Variants in MCTP2 observed in about 807,000 individuals in gnomAD.
MCTP2 encodes multiple C2 and transmembrane domain-containing protein 2.
Under a neutral mutation model 111.6 loss-of-function variants are expected in MCTP2, and 132 were observed. The observed-to-expected ratio is 1.18, with a 90% CI of 1.03 to 1.37. MCTP2 has a LOEUF of 1.37. Ranked by LOEUF, MCTP2 falls within the 40% of genes most tolerant of loss-of-function variation. The pLI, the probability that MCTP2 is intolerant of heterozygous loss-of-function variation, is 0.00. For missense variants in MCTP2, 1,183 were observed against 1,067.9 expected (o/e 1.11, Z -1.50); for synonymous variants, 395 against 387.7 (o/e 1.02, Z -0.22).
At chr15:94,331,119 C>T (rs1412589094) in intron 4 of MCTP2, among the ~76,000 whole-genome samples, 1 of 152,192 alleles carries the variant, frequency 6.6e-6, no homozygotes, top group Non-Finnish European at 1.5e-5. Context: ...ACTGAAATTA[C>T]TGAATTCATC....
At chr15:94,232,816 T>C (rs1238476983) in intron 1 of MCTP2, among the ~76,000 whole-genome samples, 3 of 152,206 alleles carry the variant, frequency 2.0e-5, no homozygotes, top group Non-Finnish European at 4.4e-5. Flanking sequence ...ATTAGCCTGA[T>C]CAGTCATTCC....
At chr15:94,289,804 T>A (rs2074950694) in intron 1 of MCTP2, among the ~76,000 whole-genome samples, 1 of 152,174 alleles carries the variant, frequency 6.6e-6, no homozygotes, top group Non-Finnish European at 1.5e-5. Context: ...TATCCCAGGA[T>A]CCTGTGAATA....
At chr15:94,462,273 A>T (rs1445397170) in intron 20 of MCTP2, among the ~76,000 whole-genome samples, 1 of 152,182 alleles carries the variant, frequency 6.6e-6, no homozygotes, top group Non-Finnish European at 1.5e-5. Context: ...CATATTAGTG[A>T]GCTCATGTGG....
intron 2 of MCTP2, among the ~76,000 whole-genome samples, chr15:94,304,441 CA>C (rs749322747): frequency 6.6e-6 from 1 of 151,710 alleles, no homozygotes; most frequent in African/African-American, 2.4e-5. Flanking sequence ...GATTCCATCT[CA>C]AAAAAAATAA....
At chr15:94,303,798 C>G (rs968815629) in intron 2 of MCTP2, among the ~76,000 whole-genome samples, 1 of 152,166 alleles carries the variant, frequency 6.6e-6, no homozygotes, top group African/African-American at 2.4e-5. Flanking sequence ...GGAAACCTTC[C>G]TTCTCTGTGG....
At chr15:94,426,898 C>T (rs1415232091) in intron 17 of MCTP2, among the ~76,000 whole-genome samples, 1 of 151,914 alleles carries the variant, frequency 6.6e-6, no homozygotes, top group Non-Finnish European at 1.5e-5. Context: ...TTACCCCATG[C>T]CTAGCCCTTT....
chr15:94,316,737 T>C (rs964594391), intron 4 of MCTP2, among the ~76,000 whole-genome samples: 2 of 152,190 alleles, frequency 1.3e-5, no homozygotes, highest in Non-Finnish European at 2.9e-5. Context: ...CCTTTAGAAG[T>C]TTTTCATTTC....
At chr15:94,424,896 AT>A (rs141622555) in intron 17 of MCTP2, among the ~76,000 whole-genome samples, 9 of 149,978 alleles carry the variant, frequency 6.0e-5, no homozygotes, top group East Asian at 1.9e-4. Context: ...CTCCCCCTAC[AT>A]TTTTTTTTGT....
At chr15:94,259,526 C>T (rs1179730856) in intron 1 of MCTP2, among the ~76,000 whole-genome samples, 1 of 152,158 alleles carries the variant, frequency 6.6e-6, no homozygotes, top group Non-Finnish European at 1.5e-5. Context: ...TCTTGTGTAA[C>T]TATTTCTGTT....
chr15:94,342,201 G>C (rs1191809280), intron 7 of MCTP2: 1 of 152,042 alleles, frequency 6.6e-6, no homozygotes, highest in Non-Finnish European at 1.5e-5. Context: ...CCTTTGTGAA[G>C]TTTTCTATAG....
intron 6 of MCTP2, 129 bp from the exon 7 acceptor site, chr15:94,340,683 TG>T (rs1346206878): frequency 3.7e-5 from 21 of 572,028 alleles, no homozygotes; most frequent in Non-Finnish European, 5.9e-5. Context: ...CACTAAATTT[TG>T]TGCTTTCTTA....
At chr15:94,320,274 T>G (rs982780623) in intron 4 of MCTP2, among the ~76,000 whole-genome samples, 1 of 151,640 alleles carries the variant, frequency 6.6e-6, no homozygotes, top group Non-Finnish European at 1.5e-5. Context: ...TCCCAAGTAG[T>G]TGGGACTACA....
intron 14 of MCTP2, among the ~76,000 whole-genome samples, chr15:94,389,567 G>T (rs1404759136): frequency 2.0e-5 from 3 of 152,092 alleles, no homozygotes; most frequent in Non-Finnish European, 2.9e-5. Flanking sequence ...TTCATATTGT[G>T]TGCTTCTTTA....
chr15:94,435,965 G>A (rs766359528), intron 17 of MCTP2, among the ~76,000 whole-genome samples: 7 of 152,004 alleles, frequency 4.6e-5, no homozygotes, highest in Non-Finnish European at 5.9e-5. Flanking sequence ...TTTTTTTAAG[G>A]CATTTAATTT....
At chr15:94,329,799 C>T (rs2077051878) in intron 4 of MCTP2, among the ~76,000 whole-genome samples, 1 of 152,148 alleles carries the variant, frequency 6.6e-6, no homozygotes, top group African/African-American at 2.4e-5. Context: ...CACATAGTTA[C>T]TTATTTGTGT....
chr15:94,461,750 A>T (rs893064230), intron 20 of MCTP2, among the ~76,000 whole-genome samples: 1 of 152,138 alleles, frequency 6.6e-6, no homozygotes. Flanking sequence ...TAAGCAGAAG[A>T]TGGGCAAGCA....
At chr15:94,449,420 A>G (rs1235282190) in intron 19 of MCTP2, among the ~76,000 whole-genome samples, 2 of 152,190 alleles carry the variant, frequency 1.3e-5, no homozygotes, top group East Asian at 1.9e-4. Context: ...ACTCAAACCC[A>G]TCTCTTCTGG....
At position 94,282,437 on chromosome 15, in the gene MCTP2, C is replaced by T. The variant is rs534534918; in HGVS notation, c.-65-15764C>T. On this transcript the variant is annotated intron_variant, in intron 1 of 22. Transcript: ENST00000357742. ...AAAATGATTATGACATCTTTCAGCT[C>T]CTGGGCCGTTTTACTGTTTTCCTTG... Among the ~76,000 whole-genome samples the T allele has an allele frequency of 2.7e-4, 41 of 152,268 alleles. No individual in the cohort carries two copies. The South Asian group carries it at 2.7e-3, about 10-fold the overall frequency.
At chr15:94,435,224 G>A (rs981415820) in intron 17 of MCTP2, among the ~76,000 whole-genome samples, 3 of 152,108 alleles carry the variant, frequency 2.0e-5, no homozygotes, top group Non-Finnish European at 4.4e-5. Flanking sequence ...AAGATTGCTT[G>A]AATCTGTAGG....
Sources: allele counts gnomAD v4.1 joint callset (sites outside exome capture counted in the v4.1 genomes callset), GRCh38; gene constraint gnomAD v4.1.1; transcripts MANE v1.5; gene names NCBI Gene and HGNC (gene_info 2026-07-23, HGNC 2026-07-21).